ZDHHC14: variants seen among roughly 807,000 people sequenced by gnomAD.
ZDHHC14 encodes the protein zDHHC palmitoyltransferase 14.
In ZDHHC14, 16 loss-of-function variants were observed where a neutral mutation model predicts 47.7. The observed-to-expected ratio is 0.34, with a 90% confidence interval of 0.23 to 0.51. ZDHHC14 has a LOEUF of 0.51. ZDHHC14 is among the 20% of genes least tolerant of loss of function. The pLI, the probability that ZDHHC14 is intolerant of heterozygous loss-of-function variation, is 0.97. For missense variants in ZDHHC14, 515 were observed against 662.5 expected, an observed-to-expected ratio of 0.78 and a Z score of 2.44; for synonymous variants, 293 against 278.9, an observed-to-expected ratio of 1.05 and a Z score of -0.50.
intron 2 of ZDHHC14, among the ~76,000 whole-genome samples, chr6:157,570,914 C>T (rs1008978543): frequency 1.3e-5 from 2 of 152,096 alleles, no homozygotes; most frequent in South Asian, 4.1e-4. Context: ...AACATCATAG[C>T]ATCTGACAGT....
At chr6:157,649,826 T>G (rs187627270) in intron 7 of ZDHHC14, among the ~76,000 whole-genome samples, 52 of 152,102 alleles carry the variant, frequency 3.4e-4, no homozygotes, top group South Asian at 1.0e-3. Context: ...GAATGGAAAA[T>G]TGGGAACACA....
intron 2 of ZDHHC14, among the ~76,000 whole-genome samples, chr6:157,551,002 G>C (rs1488901577): frequency 6.6e-6 from 1 of 152,200 alleles, no homozygotes; most frequent in Non-Finnish European, 1.5e-5. Flanking sequence ...GAACACAGAG[G>C]TTGTGGTGTA....
intron 1 of ZDHHC14, among the ~76,000 whole-genome samples, chr6:157,405,558 T>A (rs1002120427): frequency 1.3e-5 from 2 of 151,988 alleles, no homozygotes; most frequent in Admixed American, 1.3e-4. Context: ...TTAAAAAAAA[T>A]ATTCTTTCCT....
intron 1 of ZDHHC14, among the ~76,000 whole-genome samples, chr6:157,436,668 G>A (rs958937723): frequency 3.9e-5 from 6 of 152,138 alleles, no homozygotes; most frequent in African/African-American, 1.4e-4. Context: ...GCGGGACTTG[G>A]CAGTGAACTA....
chr6:157,605,437 A>G (rs1228435912), intron 3 of ZDHHC14, among the ~76,000 whole-genome samples: 1 of 152,160 alleles, frequency 6.6e-6, no homozygotes, highest in Non-Finnish European at 1.5e-5. Context: ...TCATAATACC[A>G]TCCTTTATTT....
At chr6:157,549,795 T>C (rs1782147485) in intron 2 of ZDHHC14, among the ~76,000 whole-genome samples, 1 of 152,212 alleles carries the variant, frequency 6.6e-6, no homozygotes. Context: ...TTTGGAAGGA[T>C]GTGTGGTTTT....
intron 1 of ZDHHC14, among the ~76,000 whole-genome samples, chr6:157,469,636 T>C (rs1779308302): frequency 6.6e-6 from 1 of 152,182 alleles, no homozygotes; most frequent in African/African-American, 2.4e-5. Context: ...CCCAGGCTGA[T>C]GGAACGATCA....
At chr6:157,544,092 G>A (rs959447198) in intron 2 of ZDHHC14, among the ~76,000 whole-genome samples, 2 of 152,204 alleles carry the variant, frequency 1.3e-5, no homozygotes, top group African/African-American at 4.8e-5. Flanking sequence ...TAGAACCCAG[G>A]TTTCCAGATT....
At chr6:157,569,292 C>G (rs1320217683) in intron 2 of ZDHHC14, among the ~76,000 whole-genome samples, 1 of 151,918 alleles carries the variant, frequency 6.6e-6, no homozygotes, top group Admixed American at 6.6e-5. Context: ...TCTGGTATGT[C>G]TTTGAAGGTG....
intron 1 of ZDHHC14, among the ~76,000 whole-genome samples, chr6:157,444,493 C>A (rs1423651660): frequency 6.6e-6 from 1 of 152,074 alleles, no homozygotes; most frequent in African/African-American, 2.4e-5. Flanking sequence ...GCCTGACGAA[C>A]ATGGTGAAAC....
intron 5 of ZDHHC14, among the ~76,000 whole-genome samples, chr6:157,642,035 TAGA>T (rs1314826456): frequency 1.4e-5 from 2 of 146,928 alleles, no homozygotes; most frequent in African/African-American, 5.1e-5. Context: ...GATAGATAGA[TAGA>T]TAGATAGATA....
intron 1 of ZDHHC14, among the ~76,000 whole-genome samples, chr6:157,386,543 A>G (rs889082698): frequency 4.6e-5 from 7 of 152,182 alleles, no homozygotes; most frequent in African/African-American, 9.7e-5. Flanking sequence ...AAGACAGTAC[A>G]GAAAGCTACT....
intron 1 of ZDHHC14, among the ~76,000 whole-genome samples, chr6:157,385,971 A>G (rs1777301223): frequency 6.6e-6 from 1 of 152,230 alleles, no homozygotes; most frequent in Non-Finnish European, 1.5e-5. Context: ...ATTAAATAGA[A>G]AATGTATACT....
Position 157,399,650 on chromosome 6 carries a change from C to T in ZDHHC14, c.245+17384C>T, listed in dbSNP as rs542616856. 1.4e-3 allele frequency among the ~76,000 whole-genome samples: 217 copies of T among 152,376 alleles called. 1 individual carries two copies. The highest frequency in any genetic ancestry group is 2.6e-3 in the Admixed American group (40 of 15,308). On this transcript the variant is annotated intron_variant, in intron 1 of 8. Coordinates refer to ENST00000359775, the MANE Select transcript of ZDHHC14 (RefSeq NM_024630.3). ...CTTGGTGGACTTCCCACCACTGGAG[C>T]GGCTTCCCTGCCGGACCAGGGTTGA...
chr6:157,580,080 A>C (rs988157945), intron 2 of ZDHHC14, among the ~76,000 whole-genome samples: 4 of 152,284 alleles, frequency 2.6e-5, no homozygotes, highest in African/African-American at 7.2e-5. Flanking sequence ...TAGTTTATTG[A>C]GGGTTTTTAA....
intron 1 of ZDHHC14, among the ~76,000 whole-genome samples, chr6:157,447,037 T>G (rs896458614): frequency 5.3e-5 from 8 of 151,950 alleles, no homozygotes; most frequent in Admixed American, 3.9e-4. Flanking sequence ...GAGAATCGCT[T>G]GAACCCGGGA....
rs978037281 is a variant in ZDHHC14, at chr6:157,675,936, T to G, written c.*2814T>G. 6.6e-6 allele frequency: 1 copy of G among 152,182 alleles called. No individual in the cohort carries two copies. Among genetic ancestry groups the G allele is most frequent in the Non-Finnish European group, 1.5e-5 (1 of 68,034 alleles). 9.4% of individuals were successfully genotyped at this position (152,182 alleles called of 1,614,324 possible). A position where few individuals can be genotyped will look rare whatever the true frequency, so the allele number is the denominator to read the frequency against. ...TTATCAAACACACACAAACACACAC[T>G]CATTCTGCTGTTTAAAAATTCATCT... On this transcript the variant is annotated 3_prime_UTR_variant, in exon 9 of 9. Coordinates refer to ENST00000359775, the MANE Select transcript of ZDHHC14 (RefSeq NM_024630.3).
intron 1 of ZDHHC14, among the ~76,000 whole-genome samples, chr6:157,524,330 C>T (rs557372972): frequency 6.6e-6 from 1 of 152,042 alleles, no homozygotes; most frequent in African/African-American, 2.4e-5. Context: ...GATGGGGTTT[C>T]ACCATGTTAG....
rs763867213 is a variant in ZDHHC14 at position 157,381,612 on chromosome 6, G to T, written c.-410G>T. 501 of 373,770 alleles carry T rather than the reference G, an allele frequency of 1.3e-3. 11 individuals are homozygous for T. In the Admixed American group the frequency reaches 0.014, roughly 11 times the overall value. 23.2% of individuals were successfully genotyped at this position (373,770 alleles called of 1,614,324 possible). ...CCGCCGCCTCGTGTCCCCTCGGGGC[G>T]CAGTGCTCGGGGGTCGGCGGGCCAG... On this transcript the variant is annotated 5_prime_UTR_variant, in exon 1 of 9. Transcript: ENST00000359775.
Sources: gnomAD v4.1 joint callset for allele counts (sites outside exome capture counted in the v4.1 genomes callset) on GRCh38, gnomAD v4.1.1 for gene constraint, MANE v1.5 for transcripts, NCBI Gene and HGNC (gene_info 2026-07-23, HGNC 2026-07-21) for gene names.